Variants in STK32B observed in about 807,000 individuals in gnomAD.
The protein encoded by STK32B is serine/threonine-protein kinase 32B.
A neutral mutation model predicts 52.6 loss-of-function variants in STK32B; 43 were observed. That is an observed-to-expected ratio of 0.82 (90% CI 0.64 to 1.05). STK32B has a LOEUF of 1.05. STK32B is among the 50% of genes least tolerant of loss of function. The pLI is 0.00. For synonymous variants in STK32B, 238 were observed against 204.3 expected (o/e 1.17, Z -1.41); for missense variants, 621 against 534.6 (o/e 1.16, Z -1.59).
Position 5,310,528 on chromosome 4 carries a change from C to T in STK32B, c.261-20692C>T, listed in dbSNP as rs115183614. ...TTTATAATGGCTATCATCAAAAAGA[C>T]AAAAATAACAAATGCTGGCAAGGAT... On this transcript the variant is annotated intron_variant, in intron 3 of 11. Transcript: ENST00000282908. 4.3e-3 allele frequency among the ~76,000 whole-genome samples: 652 copies of T among 151,954 alleles called. 2 individuals carry two copies. The highest frequency in any genetic ancestry group is 0.015 in the African/African-American group (623 of 41,464).
chr4:5,113,677 T>C (rs1464029241), intron 1 of STK32B, among the ~76,000 whole-genome samples: 1 of 152,186 alleles, frequency 6.6e-6, no homozygotes, highest in East Asian at 1.9e-4. Flanking sequence ...ATATAAGAAA[T>C]AACAGACTTA....
intron 4 of STK32B, among the ~76,000 whole-genome samples, chr4:5,387,212 G>C (rs922949469): frequency 6.6e-6 from 1 of 152,194 alleles, no homozygotes; most frequent in Non-Finnish European, 1.5e-5. Flanking sequence ...GGCCTTGTAC[G>C]GAAGCCTGGG....
At chr4:5,409,233 C>G (rs1737866573) in intron 5 of STK32B, among the ~76,000 whole-genome samples, 1 of 152,022 alleles carries the variant, frequency 6.6e-6, no homozygotes, top group African/African-American at 2.4e-5. Flanking sequence ...ATGCATTTTC[C>G]CCCTTCTGGC....
chr4:5,029,767 C>T, the STK32B span, among the ~76,000 whole-genome samples: 24 of 152,302 alleles, frequency 1.6e-4, no homozygotes, highest in South Asian at 3.5e-3. Flanking sequence ...TTGTTTAAGC[C>T]TTCAAGTTGG....
At chr4:5,180,959 A>G (rs961213503) in intron 3 of STK32B, among the ~76,000 whole-genome samples, 4 of 152,180 alleles carry the variant, frequency 2.6e-5, no homozygotes, top group African/African-American at 9.7e-5. Context: ...CAACGAAGGC[A>G]AAGGAGAGAG....
the STK32B span, chr4:5,019,477 G>T: frequency 1.4e-6 from 2 of 1,435,900 alleles, no homozygotes; most frequent in African/African-American, 1.5e-5. Context: ...CTCGCCGACC[G>T]CCCCTTTATG....
At chr4:5,088,611 T>C (rs77145842) in intron 1 of STK32B, among the ~76,000 whole-genome samples, 4,068 of 152,058 alleles carry the variant, frequency 0.027, 172 homozygotes, top group African/African-American at 0.093. Context: ...TAAAATAGTA[T>C]AATTGGATTG....
At position 5,316,211 on chromosome 4, in the gene STK32B, T is replaced by TATTTAGA. The variant is rs1204946072; in HGVS notation, c.261-15009_261-15008insATTTAGA. Among the ~76,000 whole-genome samples, 554 of 79,216 alleles carry TATTTAGA rather than the reference T, an allele frequency of 7.0e-3. 3 individuals are homozygous for TATTTAGA. Among genetic ancestry groups the TATTTAGA allele is most frequent in the African/African-American group, 0.039 (385 of 9,752 alleles). 52.0% of individuals were successfully genotyped at this position (79,216 alleles called of 152,430 possible). A position where few individuals can be genotyped will look rare whatever the true frequency, so the allele number is the denominator to read the frequency against. Reference sequence around the variant, plus strand: ...TATATATTTAGATATATAATATATATTACATAATATATTATATATACAATA... The same window carrying TATTTAGA: ...TATATATTTAGATATATAATATATATATTTAGATACATAATATATTATATATACAATA... On this transcript the variant is annotated intron_variant, in intron 3 of 11. Coordinates refer to ENST00000282908, the MANE Select transcript of STK32B (RefSeq NM_018401.3).
chr4:5,231,541 G>A (rs967709961), intron 3 of STK32B, among the ~76,000 whole-genome samples: 2 of 152,212 alleles, frequency 1.3e-5, no homozygotes, highest in Non-Finnish European at 2.9e-5. Context: ...GAACCTGGGA[G>A]GCAGAGGTTG....
intron 4 of STK32B, among the ~76,000 whole-genome samples, chr4:5,369,920 G>T (rs1735119712): frequency 6.6e-6 from 1 of 151,968 alleles, no homozygotes; most frequent in African/African-American, 2.4e-5. Flanking sequence ...CTGTCGCCCA[G>T]GCTGGAGTGC....
chr4:5,284,979 G>A (rs1029520469), intron 3 of STK32B, among the ~76,000 whole-genome samples: 1 of 152,090 alleles, frequency 6.6e-6, no homozygotes, highest in Middle Eastern at 3.2e-3. Context: ...TACCACAGCT[G>A]CAGCTGTGGT....
chr4:5,366,388 T>C (rs1210247027), intron 4 of STK32B, among the ~76,000 whole-genome samples: 5 of 152,246 alleles, frequency 3.3e-5, no homozygotes, highest in Non-Finnish European at 7.3e-5. Flanking sequence ...GGAATATTTA[T>C]GAAGTAAAGC....
intron 1 of STK32B, among the ~76,000 whole-genome samples, chr4:5,110,280 A>ACCCCC (rs1317007484): frequency 6.7e-6 from 1 of 148,556 alleles, no homozygotes; most frequent in African/African-American, 2.6e-5. Context: ...ACCAAAAAAA[A>ACCCCC]AAAAAAAAAA....
rs529850968 is a variant in STK32B at position 5,470,820 on chromosome 4, A to T, written c.1106+2750A>T. Among the ~76,000 whole-genome samples, 2 of 152,238 alleles carry T rather than the reference A, an allele frequency of 1.3e-5. No individual in the cohort carries two copies. The highest frequency in any genetic ancestry group is 4.8e-5 in the African/African-American group (2 of 41,476). On this transcript the variant is annotated intron_variant, in intron 11 of 11. Coordinates refer to ENST00000282908, the MANE Select transcript of STK32B (RefSeq NM_018401.3). This position sits in a 1 kb window ranked among gnomAD's most constrained non-coding sequence, Gnocchi z 4.6. The stretch of plus-strand genomic sequence containing the variant: ...ATCCTTCACTTCTGTCTGGAATCCC[A>T]TGTTAGAGGCACTGCTGGCACTTGA...
chr4:5,121,039 T>C (rs1302256027), intron 1 of STK32B, among the ~76,000 whole-genome samples: 1 of 152,134 alleles, frequency 6.6e-6, no homozygotes, highest in Admixed American at 6.5e-5. Context: ...CCCAGCAGTG[T>C]ACATTCAATC....
chr4:5,364,634 T>C (rs935124387), intron 4 of STK32B, among the ~76,000 whole-genome samples: 1 of 152,202 alleles, frequency 6.6e-6, no homozygotes, highest in African/African-American at 2.4e-5. Flanking sequence ...TTGAACCACG[T>C]ACCACCTGTC....
At chr4:5,407,913 C>A (rs1306369196) in intron 5 of STK32B, among the ~76,000 whole-genome samples, 1 of 152,066 alleles carries the variant, frequency 6.6e-6, no homozygotes, top group Non-Finnish European at 1.5e-5. Flanking sequence ...AGGGTGGAAC[C>A]TGCATGAATG....
chr4:5,070,096 G>A (rs947636276), intron 1 of STK32B, among the ~76,000 whole-genome samples: 4 of 152,148 alleles, frequency 2.6e-5, no homozygotes, highest in African/African-American at 7.2e-5. Flanking sequence ...TCCTCCCAGC[G>A]AACATTCCAT....
At position 5,468,064 on chromosome 4, in the gene STK32B, G is replaced by A. The variant is rs761548649; in HGVS notation, c.1100G>A (p.Arg367Lys). ...CGGGAGGAATTCATCATATTCAACAGAGAGAAGTAAGTCCTTCATACTGTC... is the reference window on the plus strand; with the variant it reads ...CGGGAGGAATTCATCATATTCAACAAAGAGAAGTAAGTCCTTCATACTGTC... The part of the protein sequence containing the change: ...TVREEFIIFN[R>K]EKLRRQQGQG... Residue 367 changes from arginine to lysine, a missense_variant, in exon 11 of 12, where the codon AGA (arginine) becomes AAA (lysine). Arg to Lys is a conservative substitution (Grantham distance 26, BLOSUM62 2). Coordinates refer to ENST00000282908, the MANE Select transcript of STK32B (RefSeq NM_018401.3). 8 of 1,614,022 alleles carry A rather than the reference G, an allele frequency of 5.0e-6. No individual in the cohort carries two copies. In the South Asian group the frequency reaches 8.8e-5, roughly 18 times the overall value.
Sources: allele counts gnomAD v4.1 joint callset (sites outside exome capture counted in the v4.1 genomes callset), GRCh38; gene constraint gnomAD v4.1.1; non-coding constraint Gnocchi (gnomAD v3.1); transcripts MANE v1.5; gene names NCBI Gene and HGNC (gene_info 2026-07-23, HGNC 2026-07-21).